The following ZPBP variants were observed in gnomAD, a reference collection of about 807,000 sequenced individuals.
ZPBP encodes the protein zona pellucida binding protein.
A neutral mutation model predicts 44.8 loss-of-function variants in ZPBP; 26 were observed. That is an observed-to-expected ratio of 0.58 (90% CI 0.43 to 0.81). ZPBP has a LOEUF of 0.81. ZPBP is among the 30% of genes least tolerant of loss of function. ZPBP has a pLI of 0.00. For missense variants in ZPBP, 409 were observed against 434.0 expected, an observed-to-expected ratio of 0.94 and a Z score of 0.51; for synonymous variants, 174 against 153.2, an observed-to-expected ratio of 1.14 and a Z score of -1.00.
chr7:50,041,652 TCAC>T (rs1800101653), intron 4 of ZPBP, among the ~76,000 whole-genome samples: 1 of 151,924 alleles, frequency 6.6e-6, no homozygotes, highest in African/African-American at 2.4e-5. Context: ...CATCCAAAGG[TCAC>T]CAACATCTCC....
chr7:49,882,492 G>A (rs566485573), intron 2 of ZPBP, among the ~76,000 whole-genome samples: 44 of 152,218 alleles, frequency 2.9e-4, no homozygotes, highest in African/African-American at 1.0e-3. Flanking sequence ...GAGAGACTGA[G>A]ACAGATAAGG....
intron 6 of ZPBP, among the ~76,000 whole-genome samples, chr7:50,010,299 C>T (rs1798510807): frequency 6.6e-6 from 1 of 151,600 alleles, no homozygotes; most frequent in African/African-American, 2.4e-5. Flanking sequence ...GAATAAAGAA[C>T]CCAAAAATAG....
At chr7:50,090,019 G>A (rs796249647) in intron 1 of ZPBP, among the ~76,000 whole-genome samples, 11 of 152,060 alleles carry the variant, frequency 7.2e-5, no homozygotes, top group African/African-American at 1.9e-4. Context: ...TTCAAACCTC[G>A]TTTGTCCTTA....
chr7:49,927,757 G>A (rs146701671), intron 1 of ZPBP, among the ~76,000 whole-genome samples: 25 of 152,282 alleles, frequency 1.6e-4, no homozygotes, highest in African/African-American at 5.5e-4. Context: ...AATGGAGAAC[G>A]TGGTACGACC....
At chr7:49,999,203 T>G (rs912422379) in intron 6 of ZPBP, among the ~76,000 whole-genome samples, 1 of 151,020 alleles carries the variant, frequency 6.6e-6, no homozygotes, top group African/African-American at 2.4e-5. Flanking sequence ...ATTCCTATAA[T>G]AAGTCTCCAT....
chr7:49,984,417 A>G (rs1271998571), intron 6 of ZPBP, among the ~76,000 whole-genome samples: 1 of 152,252 alleles, frequency 6.6e-6, no homozygotes, highest in African/African-American at 2.4e-5. Context: ...GGTTATCTAT[A>G]TAAGGCAGTG....
At chr7:49,938,474 A>C (rs2128752219) in intron 7 of ZPBP, among the ~76,000 whole-genome samples, 1 of 152,210 alleles carries the variant, frequency 6.6e-6, no homozygotes, top group East Asian at 1.9e-4. Context: ...AAAACAGTCA[A>C]CTCTCTTAGT....
At chr7:49,965,333 G>A (rs1038446741) in intron 7 of ZPBP, among the ~76,000 whole-genome samples, 1 of 151,918 alleles carries the variant, frequency 6.6e-6, no homozygotes, top group Non-Finnish European at 1.5e-5. Flanking sequence ...CAATCAAAGT[G>A]AAAAGACAGA....
At chr7:49,893,329 A>G (rs1792223969) in intron 2 of ZPBP, among the ~76,000 whole-genome samples, 1 of 152,216 alleles carries the variant, frequency 6.6e-6, no homozygotes, top group Non-Finnish European at 1.5e-5. Flanking sequence ...CTATTCCTGC[A>G]TAGCACTCCC....
intron 5 of ZPBP, among the ~76,000 whole-genome samples, chr7:50,024,881 G>A (rs1384634): frequency 0.5 from 76,079 of 151,648 alleles, 19,789 homozygotes; most frequent in East Asian, 0.67. Flanking sequence ...AATGATGTGA[G>A]ATAATAGATA....
chr7:50,081,716 G>A, intron 3 of ZPBP, 58 bp downstream of exon 3: 2 of 1,583,366 alleles, frequency 1.3e-6, no homozygotes, highest in South Asian at 1.1e-5. Context: ...CATTCTTTTT[G>A]TGTTGCACAC....
At chr7:49,857,156 AC>A (rs1790459690) in intron 2 of ZPBP, among the ~76,000 whole-genome samples, 1 of 152,040 alleles carries the variant, frequency 6.6e-6, no homozygotes, top group South Asian at 2.1e-4. Flanking sequence ...CATAACTGAA[AC>A]TTTATACCCA....
At chr7:49,877,481 A>AAAAAAAACATATATATAT in intron 2 of ZPBP, among the ~76,000 whole-genome samples, 1 of 12,722 alleles carries the variant, frequency 7.9e-5, no homozygotes, top group African/African-American at 2.8e-4. Context: ...AAAAAAAAAA[A>AAAAAAAACATATATATAT]ATATATATAT....
intron 6 of ZPBP, among the ~76,000 whole-genome samples, chr7:50,011,307 A>G (rs1018843511): frequency 2.0e-5 from 3 of 152,238 alleles, no homozygotes; most frequent in Non-Finnish European, 2.9e-5. Context: ...GCTTAGGCAA[A>G]GAGTTCATGA....
intron 1 of ZPBP, chr7:49,918,352 A>G (rs562740529): frequency 6.6e-6 from 1 of 152,320 alleles, no homozygotes; most frequent in East Asian, 1.9e-4. Flanking sequence ...GAAATTTCCA[A>G]AATGGTCTTT....
At chr7:50,090,666 T>C (rs1235547042) in intron 1 of ZPBP, among the ~76,000 whole-genome samples, 1 of 152,070 alleles carries the variant, frequency 6.6e-6, no homozygotes, top group East Asian at 1.9e-4. Context: ...CACACACATA[T>C]ATATATACAC....
At chr7:49,921,356 A>G (rs1460223748) in intron 1 of ZPBP, 1 of 152,232 alleles carries the variant, frequency 6.6e-6, no homozygotes, top group African/African-American at 2.4e-5. Flanking sequence ...CTCTAGAAAC[A>G]AAGGCCAGAG....
chr7:49,902,159 T>G (rs2128736490), intron 1 of ZPBP, among the ~76,000 whole-genome samples: 1 of 152,064 alleles, frequency 6.6e-6, no homozygotes, highest in South Asian at 2.1e-4. Context: ...ATCAGTAACA[T>G]GAATAATAAA....
intron 7 of ZPBP, chr7:49,943,427 A>G: frequency 2.4e-6 from 1 of 418,478 alleles, no homozygotes; most frequent in Admixed American, 2.8e-5. Context: ...ACCACATTGC[A>G]AACTTTCTTG....
Sources: gnomAD v4.1 joint callset for allele counts (sites outside exome capture counted in the v4.1 genomes callset) on GRCh38, gnomAD v4.1.1 for gene constraint, MANE v1.5 for transcripts, NCBI Gene and HGNC (gene_info 2026-07-23, HGNC 2026-07-21) for gene names.